The following SNAP91 variants were observed in gnomAD, a reference collection of about 807,000 sequenced individuals.
SNAP91 encodes the protein synaptosome associated protein 91.
SNAP91 carries 27 observed loss-of-function variants against 100.3 expected under a neutral mutation model. That is an observed-to-expected ratio of 0.27 (90% CI 0.20 to 0.37). SNAP91 has a LOEUF of 0.37. Among genes scored for constraint, SNAP91 ranks in the 10% least tolerant of loss-of-function variants. The probability of loss-of-function intolerance (pLI) is 1.00; values close to 1 mark genes in which losing one functional copy is unlikely to be tolerated. For missense variants in SNAP91, 986 were observed against 1,123.7 expected (o/e 0.88, Z 1.75); for synonymous variants, 404 against 398.6 (o/e 1.01, Z -0.16).
chr6:83,598,642 C>A (rs2094789960), intron 16 of SNAP91, among the ~76,000 whole-genome samples: 1 of 152,080 alleles, frequency 6.6e-6, no homozygotes, highest in East Asian at 1.9e-4. Flanking sequence ...CTGTGTTAAA[C>A]AAAACATAAC....
intron 8 of SNAP91, among the ~76,000 whole-genome samples, chr6:83,623,553 C>A (rs2096814786): frequency 6.6e-6 from 1 of 151,992 alleles, no homozygotes; most frequent in South Asian, 2.1e-4. Context: ...TTAGACATAA[C>A]AAATGTATAG....
At position 83,656,782 on chromosome 6, in the gene SNAP91, G is replaced by A. The variant is rs1317639793; in HGVS notation, c.630C>T (p.Cys210=). The A allele has an allele frequency of 6.3e-7, 1 of 1,596,400 alleles. No homozygotes were observed. The highest frequency in any genetic ancestry group is 8.6e-7 in the Non-Finnish European group (1 of 1,167,432). Residue 210 remains cysteine, a synonymous_variant, in exon 7 of 30, where the codon TGC becomes TGT. Transcript: ENST00000369694. ...GTAAGTTAATAACACCATCATTGTA[G>A]CAAGCAAAAAGTTTGATAAGATCTT... ...LFKDLIKLFA[C]YNDGVINLLE...
intron 8 of SNAP91, among the ~76,000 whole-genome samples, chr6:83,629,531 T>A (rs1395616301): frequency 6.6e-6 from 1 of 152,126 alleles, no homozygotes; most frequent in Non-Finnish European, 1.5e-5. Context: ...ATGATTTCTT[T>A]CAGCGGTGTT....
intron 2 of SNAP91, among the ~76,000 whole-genome samples, chr6:83,668,555 T>C (rs1352560551): frequency 6.6e-6 from 1 of 152,048 alleles, no homozygotes; most frequent in Non-Finnish European, 1.5e-5. Context: ...CTGGAAACCA[T>C]CATTCTCAGC....
intron 8 of SNAP91, among the ~76,000 whole-genome samples, chr6:83,637,655 AAAG>A (rs1425579406): frequency 6.6e-6 from 1 of 152,180 alleles, no homozygotes; most frequent in Non-Finnish European, 1.5e-5. Context: ...GCTCCCTGGG[AAAG>A]AAGATGTGGC....
intron 26 of SNAP91, among the ~76,000 whole-genome samples, chr6:83,572,102 T>C (rs1051245608): frequency 6.6e-6 from 1 of 152,206 alleles, no homozygotes; most frequent in African/African-American, 2.4e-5. Context: ...CGGGTATGTC[T>C]TTATCAGCAG....
chr6:83,591,423 T>C lies in SNAP91; in HGVS notation c.1931-129A>G, dbSNP rs1215784532. 4 of 591,818 alleles carry C rather than the reference T, an allele frequency of 6.8e-6. No individual in the cohort carries two copies. The Admixed American group carries it at 1.0e-4, about 15-fold the overall frequency. The allele number at this position is 591,818 out of a possible 1,614,324, so 36.7% of individuals were successfully genotyped here. A position where few individuals can be genotyped will look rare whatever the true frequency, so the allele number is the denominator to read the frequency against. ...ACAGTGAGCTTGTCTTTTGTGGGTG[T>C]GTGAAATGATCACATGAATTGAATT... is the stretch of plus-strand genomic sequence containing the variant. On this transcript the variant is annotated intron_variant, in intron 21 of 29. Transcript: ENST00000369694.
intron 7 of SNAP91, among the ~76,000 whole-genome samples, chr6:83,644,667 C>A (rs941867589): frequency 6.6e-6 from 1 of 152,168 alleles, no homozygotes; most frequent in Admixed American, 6.5e-5. Flanking sequence ...GAGAGACAAA[C>A]TGAGAGTTTC....
chr6:83,593,037 C>G lies in SNAP91; in HGVS notation c.1775-20G>C. On this transcript the variant is annotated intron_variant, in intron 19 of 29. Transcript: ENST00000369694. ...AAGCATCTTCCAAAAGTGAAACAAACCAAAACCAAGCAGAGGTAAGTAGTA... is the reference window on the plus strand; with the variant it reads ...AAGCATCTTCCAAAAGTGAAACAAAGCAAAACCAAGCAGAGGTAAGTAGTA... 1 of 1,566,572 alleles carries G rather than the reference C, an allele frequency of 6.4e-7. No homozygotes were observed. The highest frequency in any genetic ancestry group is 8.7e-7 in the Non-Finnish European group (1 of 1,154,910).
intron 5 of SNAP91, among the ~76,000 whole-genome samples, chr6:83,660,994 G>A (rs1438593495): frequency 6.6e-6 from 1 of 152,006 alleles, no homozygotes; most frequent in Non-Finnish European, 1.5e-5. Context: ...TGCCCAGGCT[G>A]GTCTTTAACT....
intron 24 of SNAP91, among the ~76,000 whole-genome samples, chr6:83,578,165 C>A (rs533177107): frequency 1.3e-5 from 2 of 152,094 alleles, no homozygotes; most frequent in African/African-American, 4.8e-5. Flanking sequence ...TTATGAATAA[C>A]AATACTATAA....
intron 22 of SNAP91, among the ~76,000 whole-genome samples, chr6:83,584,000 T>C (rs756054250): frequency 6.6e-6 from 1 of 152,212 alleles, no homozygotes; most frequent in Non-Finnish European, 1.5e-5. Flanking sequence ...ATAAGTATCA[T>C]ATAACTTTCT....
chr6:83,601,832 T>C (rs2095260279), intron 14 of SNAP91, among the ~76,000 whole-genome samples: 1 of 152,228 alleles, frequency 6.6e-6, no homozygotes, highest in Admixed American at 6.5e-5. Context: ...GACATGTACT[T>C]CAGATTTTAT....
chr6:83,580,440 G>T lies in SNAP91; in HGVS notation c.2299+10C>A. 1 of 1,558,432 alleles carries T rather than the reference G, an allele frequency of 6.4e-7. No individual in the cohort carries two copies. Among genetic ancestry groups the T allele is most frequent in the East Asian group, 2.3e-5 (1 of 43,626 alleles). The stretch of plus-strand genomic sequence containing the variant: ...AGTTAAAGAAAAAAAAAAAAAACTA[G>T]ATTACTCACTGCCTACTAAGCTGGC... On this transcript the variant is annotated intron_variant, in intron 24 of 29. Coordinates refer to ENST00000369694, the MANE Select transcript of SNAP91 (RefSeq NM_001242792.2).
At chr6:83,639,658 A>G (rs2097596471) in intron 8 of SNAP91, among the ~76,000 whole-genome samples, 1 of 152,212 alleles carries the variant, frequency 6.6e-6, no homozygotes, top group Admixed American at 6.5e-5. Context: ...GAATTGACAC[A>G]TAAGTAGAAC....
At position 83,638,930 on chromosome 6, in the gene SNAP91, T is replaced by C. The variant is rs954221218; in HGVS notation, c.765+2166A>G. Among the ~76,000 whole-genome samples, 35 of 152,306 alleles carry C rather than the reference T, an allele frequency of 2.3e-4. 1 individual carries two copies. Among genetic ancestry groups the C allele is most frequent in the Admixed American group, 2.1e-3 (32 of 15,300 alleles). On this transcript the variant is annotated intron_variant, in intron 8 of 29. Transcript: ENST00000369694. ...AAGAGAAGAGTATTTAGCAGAAATA[T>C]ATCTTACCAGTAAAAATTATTTTAC... is the stretch of plus-strand genomic sequence containing the variant.
chr6:83,652,397 A>G (rs2098245718), intron 7 of SNAP91, among the ~76,000 whole-genome samples: 1 of 151,922 alleles, frequency 6.6e-6, no homozygotes, highest in African/African-American at 2.4e-5. Context: ...AGTGGTTCCC[A>G]TAGAGTTTGC....
chr6:83,596,447 AGTT>A (rs1378078831), intron 16 of SNAP91, among the ~76,000 whole-genome samples: 2 of 152,156 alleles, frequency 1.3e-5, no homozygotes, highest in African/African-American at 4.8e-5. Context: ...GAGTCAGGTC[AGTT>A]GTTTTATTTT....
chr6:83,587,515 C>T (rs1479152661), intron 22 of SNAP91, among the ~76,000 whole-genome samples: 4 of 151,676 alleles, frequency 2.6e-5, no homozygotes, highest in Non-Finnish European at 5.9e-5. Context: ...TAAAAATCTT[C>T]TTAGTTTCAA....
Sources: allele counts gnomAD v4.1 joint callset (sites outside exome capture counted in the v4.1 genomes callset), GRCh38; gene constraint gnomAD v4.1.1; transcripts MANE v1.5; gene names NCBI Gene and HGNC (gene_info 2026-07-23, HGNC 2026-07-21).